The following WWOX variants were observed in gnomAD, a reference collection of about 807,000 sequenced individuals.
WWOX encodes the protein WW domain containing oxidoreductase.
WWOX carries 69 observed loss-of-function variants against 46.2 expected under a neutral mutation model. The ratio of observed to expected loss-of-function variants is 1.49; its 90% confidence interval spans 1.23 to 1.82. The LOEUF is 1.82. WWOX is among the 40% of genes most tolerant of loss of function. WWOX has a pLI of 0.00. For synonymous variants in WWOX, 359 were observed against 202.6 expected (o/e 1.77, Z -6.56); for missense variants, 919 against 542.6 (o/e 1.69, Z -6.89).
intron 8 of WWOX, among the ~76,000 whole-genome samples, chr16:78,458,819 T>A (rs942375002): frequency 6.6e-6 from 1 of 151,808 alleles, no homozygotes; most frequent in Non-Finnish European, 1.5e-5. Flanking sequence ...GTGTTGGGGG[T>A]GGAATTAGCA....
intron 8 of WWOX, among the ~76,000 whole-genome samples, chr16:79,036,597 G>C (rs75681506): frequency 3.9e-5 from 6 of 152,142 alleles, no homozygotes; most frequent in Non-Finnish European, 5.9e-5. Context: ...TGAATGATCT[G>C]TCCTTCTATG....
At chr16:79,171,472 C>G (rs568794172) in intron 8 of WWOX, among the ~76,000 whole-genome samples, 11 of 152,250 alleles carry the variant, frequency 7.2e-5, no homozygotes, top group African/African-American at 2.4e-4. Context: ...TCGGTGTCAT[C>G]TTTCACATCA....
chr16:78,356,071 T>TTAAA (rs2081280147), intron 5 of WWOX, among the ~76,000 whole-genome samples: 1 of 76,124 alleles, frequency 1.3e-5, no homozygotes, highest in Non-Finnish European at 2.5e-5. Context: ...TTTTTTTTCC[T>TTAAA]AAAAAAAAAA....
At chr16:78,826,623 G>A (rs776338563) in intron 8 of WWOX, among the ~76,000 whole-genome samples, 3 of 152,086 alleles carry the variant, frequency 2.0e-5, no homozygotes, top group Non-Finnish European at 4.4e-5. Flanking sequence ...TTTGGATTTA[G>A]GGTCTTCCTG....
intron 8 of WWOX, among the ~76,000 whole-genome samples, chr16:78,729,010 T>G (rs776115418): frequency 3.3e-5 from 5 of 152,014 alleles, no homozygotes; most frequent in Admixed American, 6.6e-5. Context: ...GTTTGTAGGG[T>G]CATCCCCCTA....
rs148407138 is a variant in WWOX at position 78,648,495 on chromosome 16, A to G, written c.1056+215743A>G. ...GATACACATGGACAATGGCCAGACC[A>G]TATTTTGTCACAGAATGCCGACCCA... On this transcript the variant is annotated intron_variant, in intron 8 of 8. Transcript: ENST00000566780. 1.6e-4 allele frequency among the ~76,000 whole-genome samples: 25 copies of G among 152,342 alleles called. 1 individual carries two copies. Among genetic ancestry groups the G allele is most frequent in the Middle Eastern group, 3.4e-3 (1 of 294 alleles).
At chr16:78,253,945 A>G (rs757417374) in intron 5 of WWOX, among the ~76,000 whole-genome samples, 4 of 152,164 alleles carry the variant, frequency 2.6e-5, no homozygotes, top group Non-Finnish European at 5.9e-5. Flanking sequence ...TTGCCTTACA[A>G]ATTGAGTGCA....
At chr16:78,309,102 C>T (rs1464250395) in intron 5 of WWOX, among the ~76,000 whole-genome samples, 1 of 152,108 alleles carries the variant, frequency 6.6e-6, no homozygotes, top group Non-Finnish European at 1.5e-5. Context: ...TCCTTGAATC[C>T]ACCTGATATG....
chr16:78,199,467 T>G (rs2036163336), intron 5 of WWOX, among the ~76,000 whole-genome samples: 1 of 152,206 alleles, frequency 6.6e-6, no homozygotes, highest in African/African-American at 2.4e-5. Context: ...TCAACTAATC[T>G]TTCCCTGTGT....
At chr16:78,260,528 C>T (rs1187181405) in intron 5 of WWOX, among the ~76,000 whole-genome samples, 1 of 151,270 alleles carries the variant, frequency 6.6e-6, no homozygotes, top group Non-Finnish European at 1.5e-5. Flanking sequence ...ATTAGCTGGG[C>T]ATGGTGGCAG....
In WWOX at chr16:78,884,220, C is replaced by T. The variant is rs937426161; in HGVS notation, c.1057-327388C>T. The stretch of plus-strand genomic sequence containing the variant: ...CCAGGGAGGTCAAGGCTACAGTGAG[C>T]TGTGATTAGGTCCCTGCACTCCAGC... On this transcript the variant is annotated intron_variant, in intron 8 of 8. Transcript: ENST00000566780. 2.2e-5 allele frequency among the ~76,000 whole-genome samples: 3 copies of T among 137,330 alleles called. No individual in the cohort carries two copies. In the Admixed American group the frequency reaches 2.5e-4, roughly 12 times the overall value. The allele number at this position is 137,330 out of a possible 152,430, so 90.1% of individuals were successfully genotyped here. A position where few individuals can be genotyped will look rare whatever the true frequency, so the allele number is the denominator to read the frequency against.
Position 79,162,472 on chromosome 16 carries a change from C to A in WWOX, c.1057-49136C>A, listed in dbSNP as rs772393438. 3.0e-4 allele frequency among the ~76,000 whole-genome samples: 46 copies of A among 152,106 alleles called. 1 individual carries two copies. The highest frequency in any genetic ancestry group is 5.7e-4 in the Non-Finnish European group (39 of 68,014). Reference sequence around the variant, plus strand: ...ATGCTGACTCTCAGCTGTCCTGATGCCACTGGTGTTCCTCTAGTAGGCAAC... The same window carrying A: ...ATGCTGACTCTCAGCTGTCCTGATGACACTGGTGTTCCTCTAGTAGGCAAC... On this transcript the variant is annotated intron_variant, in intron 8 of 8. Coordinates refer to ENST00000566780, the MANE Select transcript of WWOX (RefSeq NM_016373.4).
At chr16:78,877,165 C>G (rs761016786) in intron 8 of WWOX, among the ~76,000 whole-genome samples, 1 of 152,122 alleles carries the variant, frequency 6.6e-6, no homozygotes, top group African/African-American at 2.4e-5. Context: ...AGGAAGGAAA[C>G]GAGAAAAGTT....
intron 8 of WWOX, among the ~76,000 whole-genome samples, chr16:78,609,626 C>A (rs2045851027): frequency 6.6e-6 from 1 of 151,626 alleles, no homozygotes; most frequent in Non-Finnish European, 1.5e-5. Flanking sequence ...CTCTTGGGGG[C>A]TTCCTGGTCC....
chr16:78,808,319 C>T (rs2051096549), intron 8 of WWOX, among the ~76,000 whole-genome samples: 1 of 152,186 alleles, frequency 6.6e-6, no homozygotes, highest in Non-Finnish European at 1.5e-5. Flanking sequence ...TGTATGGCCA[C>T]TTCAAACCTG....
At chr16:79,119,916 G>C (rs1295586266) in intron 8 of WWOX, among the ~76,000 whole-genome samples, 2 of 152,198 alleles carry the variant, frequency 1.3e-5, no homozygotes, top group Non-Finnish European at 2.9e-5. Context: ...GGCTGGGCAG[G>C]AGAACTGCCT....
chr16:78,797,730 G>A (rs1223529494), intron 8 of WWOX, among the ~76,000 whole-genome samples: 4 of 152,226 alleles, frequency 2.6e-5, no homozygotes, highest in Non-Finnish European at 4.4e-5. Flanking sequence ...GGTCATGCCT[G>A]TAATCCCAGC....
At chr16:78,474,669 G>A (rs895338160) in intron 8 of WWOX, among the ~76,000 whole-genome samples, 5 of 152,064 alleles carry the variant, frequency 3.3e-5, no homozygotes, top group South Asian at 4.2e-4. Context: ...TGCAACCATT[G>A]CCACAGTCAG....
chr16:78,255,201 C>G (rs1567460214), intron 5 of WWOX, among the ~76,000 whole-genome samples: 1 of 152,146 alleles, frequency 6.6e-6, no homozygotes, highest in South Asian at 2.1e-4. Context: ...CATTCAGATC[C>G]CCCGTCCCCC....
Sources: allele counts gnomAD v4.1 joint callset (sites outside exome capture counted in the v4.1 genomes callset), GRCh38; gene constraint gnomAD v4.1.1; transcripts MANE v1.5; gene names NCBI Gene and HGNC (gene_info 2026-07-23, HGNC 2026-07-21).